Variants in MORN5 observed in about 807,000 individuals in gnomAD.
MORN5 encodes the protein MORN repeat containing 5.
A neutral mutation model predicts 22.1 loss-of-function variants in MORN5; 21 were observed. That is an observed-to-expected ratio of 0.95 (90% CI 0.67 to 1.37). The LOEUF (loss-of-function observed/expected upper bound fraction) is 1.37. Among genes scored for constraint, MORN5 ranks in the 40% most tolerant of loss-of-function variants. The pLI, the probability that MORN5 is intolerant of heterozygous loss-of-function variation, is 0.00. For missense variants in MORN5, 211 were observed against 215.1 expected (o/e 0.98, Z 0.12); for synonymous variants, 73 against 74.0 (o/e 0.99, Z 0.07).
intron 4 of MORN5, among the ~76,000 whole-genome samples, chr9:122,199,487 G>T (rs963406324): frequency 6.6e-6 from 1 of 152,160 alleles, no homozygotes; most frequent in Non-Finnish European, 1.5e-5. Flanking sequence ...GAAAGGAAAT[G>T]AAGATCTCAG....
intron 4 of MORN5, among the ~76,000 whole-genome samples, chr9:122,183,668 C>A (rs1219118765): frequency 6.6e-6 from 1 of 152,186 alleles, no homozygotes; most frequent in East Asian, 1.9e-4. Flanking sequence ...CCAACATTAT[C>A]CCCTTTGTTG....
chr9:122,159,917 A>T lies in MORN5; in HGVS notation c.-56A>T. On this transcript the variant is annotated 5_prime_UTR_variant, in exon 1 of 5. An upstream start codon of the reference 5' UTR is lost. Transcript: ENST00000373764. ...CCCACCCCTCCAGGTTGTCATAGTG[A>T]TGCCGTATCCACTGAGACTCCGGAT... 6.4e-7 allele frequency: 1 copy of T among 1,569,206 alleles called. No individual in the cohort carries two copies. Among genetic ancestry groups the T allele is most frequent in the Non-Finnish European group, 8.8e-7 (1 of 1,139,140 alleles).
chr9:122,191,869 C>T (rs988458761), intron 4 of MORN5, among the ~76,000 whole-genome samples: 2 of 152,262 alleles, frequency 1.3e-5, no homozygotes, highest in African/African-American at 4.8e-5. Context: ...CTCCCGCAGG[C>T]TCCCCCTCCA....
At chr9:122,175,745 G>C (rs1829440715) in intron 4 of MORN5, 10 of 964,532 alleles carry the variant, frequency 1.0e-5, no homozygotes, top group African/African-American at 5.3e-5. Context: ...TGGTGAATGA[G>C]AGCATCCTCT....
At chr9:122,168,492 G>T (rs10985555) in intron 2 of MORN5, among the ~76,000 whole-genome samples, 55,633 of 152,110 alleles carry the variant, frequency 0.37, 11,944 homozygotes, top group Non-Finnish European at 0.49. Flanking sequence ...GGTTAAGAAA[G>T]GCTCCTTGTT....
Position 122,197,239 on chromosome 9 carries a change from G to A in MORN5, c.440-2646G>A, listed in dbSNP as rs1239807256. Among the ~76,000 whole-genome samples, 1 of 148,806 alleles carries A rather than the reference G, an allele frequency of 6.7e-6. No homozygotes were observed. ...GGGTAATAATTTACAATTGATTAAA[G>A]AGTTTGTGGGGTGTTTTTCCCCCAT... On this transcript the variant is annotated intron_variant, in intron 4 of 4. Coordinates refer to ENST00000373764, the MANE Select transcript of MORN5 (RefSeq NM_198469.4). This position sits in a 1 kb window ranked among gnomAD's most constrained non-coding sequence, Gnocchi z 5.7.
At chr9:122,171,453 G>C (rs926781985) in intron 3 of MORN5, among the ~76,000 whole-genome samples, 4 of 151,844 alleles carry the variant, frequency 2.6e-5, no homozygotes, top group Admixed American at 6.6e-5. Context: ...TGAGGTTCCC[G>C]GGGCTCTCTG....
chr9:122,171,021 T>C (rs903953380), intron 3 of MORN5, among the ~76,000 whole-genome samples: 3 of 152,030 alleles, frequency 2.0e-5, no homozygotes, highest in Admixed American at 1.3e-4. Context: ...AAAAGTGTAG[T>C]TTTTGGCACA....
At chr9:122,178,100 C>T (rs1405958483) in intron 4 of MORN5, among the ~76,000 whole-genome samples, 2 of 152,210 alleles carry the variant, frequency 1.3e-5, no homozygotes, top group Admixed American at 6.5e-5. Flanking sequence ...TGGCTTGCGC[C>T]TGTAACCTCA....
chr9:122,170,470 G>A (rs988250105), intron 3 of MORN5, among the ~76,000 whole-genome samples: 2 of 152,172 alleles, frequency 1.3e-5, no homozygotes, highest in Non-Finnish European at 2.9e-5. Flanking sequence ...CTAAAATTAT[G>A]TAAATATTTT....
chr9:122,179,245 G>A (rs1036364447), intron 4 of MORN5, among the ~76,000 whole-genome samples: 1 of 152,296 alleles, frequency 6.6e-6, no homozygotes, highest in Non-Finnish European at 1.5e-5. Context: ...GACGAAGCCC[G>A]AGAGATGGGC....
rs1484063564 is a variant in MORN5, at chr9:122,197,465, G to A, written c.440-2420G>A. 6.6e-6 allele frequency among the ~76,000 whole-genome samples: 1 copy of A among 152,216 alleles called. No individual in the cohort carries two copies. The highest frequency in any genetic ancestry group is 1.5e-5 in the Non-Finnish European group (1 of 68,040). Reference sequence around the variant, plus strand: ...TCCATTTTAAATATTGATGAAATGTGCTTCGGCAACCTCACCCTGGCGTGG... The same window carrying A: ...TCCATTTTAAATATTGATGAAATGTACTTCGGCAACCTCACCCTGGCGTGG... On this transcript the variant is annotated intron_variant, in intron 4 of 4. Coordinates refer to ENST00000373764, the MANE Select transcript of MORN5 (RefSeq NM_198469.4). The surrounding 1 kb of genome is among the most constrained non-coding windows in gnomAD (Gnocchi z 5.7).
chr9:122,165,970 A>G (rs1010903665), intron 1 of MORN5, among the ~76,000 whole-genome samples: 4 of 152,138 alleles, frequency 2.6e-5, no homozygotes, highest in African/African-American at 9.7e-5. Context: ...CTATAAAGGA[A>G]AGAGGCTTAA....
At chr9:122,192,735 G>T (rs1440588862) in intron 4 of MORN5, among the ~76,000 whole-genome samples, 1 of 152,198 alleles carries the variant, frequency 6.6e-6, no homozygotes, top group Non-Finnish European at 1.5e-5. Flanking sequence ...CTCTCCATGT[G>T]GTAGGGCTGC....
intron 4 of MORN5, among the ~76,000 whole-genome samples, chr9:122,193,859 G>A (rs1829829377): frequency 6.6e-6 from 1 of 152,194 alleles, no homozygotes; most frequent in African/African-American, 2.4e-5. Context: ...ATTTTACAGT[G>A]CGAGGGGAGC....
intron 4 of MORN5, among the ~76,000 whole-genome samples, chr9:122,176,228 A>C (rs949937123): frequency 6.6e-6 from 1 of 152,044 alleles, no homozygotes; most frequent in Non-Finnish European, 1.5e-5. Context: ...GAACATGGCA[A>C]ATGCTCACAC....
Position 122,159,948 on chromosome 9 carries a change from C to T in MORN5, c.-25C>T, listed in dbSNP as rs1829164644. The T allele has an allele frequency of 6.2e-7, 1 of 1,613,118 alleles. No homozygotes were observed. The highest frequency in any genetic ancestry group is 1.3e-5 in the African/African-American group (1 of 75,038). On this transcript the variant is annotated 5_prime_UTR_variant, in exon 1 of 5. Coordinates refer to ENST00000373764, the MANE Select transcript of MORN5 (RefSeq NM_198469.4). ...TATCCACTGAGACTCCGGATCCTAACAGCTGGAAGCTAAAAACAGGCGCCA... is the reference window on the plus strand; with the variant it reads ...TATCCACTGAGACTCCGGATCCTAATAGCTGGAAGCTAAAAACAGGCGCCA...
intron 2 of MORN5, 141 bp downstream of exon 2, chr9:122,167,056 CTTTTTT>C: frequency 1.1e-5 from 5 of 445,870 alleles, no homozygotes; most frequent in East Asian, 4.4e-5. Context: ...ACTCCCCCCA[CTTTTTT>C]TTTTTTTTTT....
At chr9:122,175,576 A>C in intron 4 of MORN5, 2 of 984,690 alleles carry the variant, frequency 2.0e-6, no homozygotes, top group Non-Finnish European at 2.4e-6. Context: ...TGTCCAATGC[A>C]TGCACACACA....
Sources: allele counts gnomAD v4.1 joint callset (sites outside exome capture counted in the v4.1 genomes callset), GRCh38; gene constraint gnomAD v4.1.1; non-coding constraint Gnocchi (gnomAD v3.1); transcripts MANE v1.5; gene names NCBI Gene and HGNC (gene_info 2026-07-23, HGNC 2026-07-21).